The following PRICKLE2 variants were observed in gnomAD, a reference collection of about 807,000 sequenced individuals.
The protein encoded by PRICKLE2 is prickle planar cell polarity protein 2, also known as prickle-like protein 2.
In PRICKLE2, 21 loss-of-function variants were observed where a neutral mutation model predicts 81.4. The ratio of observed to expected loss-of-function variants is 0.26; its 90% CI spans 0.18 to 0.37. PRICKLE2 has a LOEUF of 0.37. PRICKLE2 is among the 10% of genes least tolerant of loss of function. The pLI is 1.00. For missense variants in PRICKLE2, 940 were observed against 1,109.0 expected, an observed-to-expected ratio of 0.85 and a Z score of 2.16; for synonymous variants, 456 against 421.5, an observed-to-expected ratio of 1.08 and a Z score of -1.00.
chr3:64,262,070 T>G (rs944059538), intron 2 of PRICKLE2, among the ~76,000 whole-genome samples: 3 of 152,122 alleles, frequency 2.0e-5, no homozygotes, highest in African/African-American at 7.2e-5. Context: ...AGACCTTATA[T>G]GTAGAGTCTC....
intron 6 of PRICKLE2, among the ~76,000 whole-genome samples, chr3:64,152,816 G>C (rs1361378488): frequency 6.6e-6 from 1 of 152,134 alleles, no homozygotes; most frequent in African/African-American, 2.4e-5. Context: ...TGGAAGAACT[G>C]ACCTGAAAAC....
chr3:64,231,856 G>C (rs1369195757), intron 2 of PRICKLE2, among the ~76,000 whole-genome samples: 1 of 152,084 alleles, frequency 6.6e-6, no homozygotes, highest in African/African-American at 2.4e-5. Flanking sequence ...ATGATGCAAG[G>C]GTCCACAGCT....
chr3:64,144,022 C>A (rs1161921573), intron 7 of PRICKLE2, among the ~76,000 whole-genome samples: 1 of 150,552 alleles, frequency 6.6e-6, no homozygotes, highest in East Asian at 2.0e-4. Context: ...CAAATGGGAA[C>A]ACAGATGTGG....
intron 1 of PRICKLE2, among the ~76,000 whole-genome samples, chr3:64,210,865 T>G (rs1337768320): frequency 6.6e-6 from 1 of 152,146 alleles, no homozygotes; most frequent in African/African-American, 2.4e-5. Flanking sequence ...TTCCCCAGAA[T>G]CAGACTCTTG....
chr3:64,146,817 G>A lies in PRICKLE2; in HGVS notation c.1660+13C>T. On this transcript the variant is annotated intron_variant, in intron 7 of 7. Coordinates refer to ENST00000638394, the MANE Select transcript of PRICKLE2 (RefSeq NM_198859.4). ...CCCCCTTTCTATCTGTTTTCAAGGT[G>A]AACAGAACCTACCTGTTGCATTAGA... 5 of 1,613,800 alleles carry A rather than the reference G, an allele frequency of 3.1e-6. No homozygotes were observed. Among genetic ancestry groups the A allele is most frequent in the Non-Finnish European group, 4.2e-6 (5 of 1,179,910 alleles).
At chr3:64,109,437 G>A (rs1029610975) in intron 7 of PRICKLE2, among the ~76,000 whole-genome samples, 11 of 152,284 alleles carry the variant, frequency 7.2e-5, no homozygotes, top group Admixed American at 2.6e-4. Context: ...GGTCTCAGGT[G>A]ATCAGCAGAT....
At chr3:64,242,526 G>A (rs2079281927) in intron 2 of PRICKLE2, among the ~76,000 whole-genome samples, 1 of 152,212 alleles carries the variant, frequency 6.6e-6, no homozygotes, top group African/African-American at 2.4e-5. Context: ...TGTTTGACTG[G>A]TTACACAAGT....
Position 64,099,074 on chromosome 3 carries a change from T to C in PRICKLE2, c.2512A>G (p.Ser838Gly). The change falls in exon 8 of 8, where the codon AGC (serine) becomes GGC (glycine). Residue 838 changes from serine to glycine, a missense_variant. Ser to Gly is a moderately conservative substitution (Grantham distance 56). Around this residue, in one of 2 missense-constraint regions of PRICKLE2, gnomAD observed 670 missense variants for 717.2 expected, o/e 0.93. Transcript: ENST00000638394. This position sits in a 1 kb window ranked among gnomAD's most constrained non-coding sequence, Gnocchi z 4.3. ...TATTAAGAAATGATACAGTTTTTGC[T>C]CTTCTGTCTTTTCCTGCTGTGCAAC... ...GQLHSRKRQKSKNCIIS is the reference protein window; with the variant it reads ...GQLHSRKRQKGKNCIIS The C allele has an allele frequency of 6.2e-7, 1 of 1,614,234 alleles. No individual in the cohort carries two copies. Among genetic ancestry groups the C allele is most frequent in the East Asian group, 2.2e-5 (1 of 44,880 alleles).
chr3:64,103,876 A>C (rs1250699474), intron 7 of PRICKLE2, among the ~76,000 whole-genome samples: 2 of 152,108 alleles, frequency 1.3e-5, no homozygotes, highest in Non-Finnish European at 2.9e-5. Flanking sequence ...GCTACTTGGG[A>C]GACTGAGGTG....
chr3:64,144,813 T>C (rs1222912017), intron 7 of PRICKLE2, among the ~76,000 whole-genome samples: 1 of 152,232 alleles, frequency 6.6e-6, no homozygotes, highest in African/African-American at 2.4e-5. Flanking sequence ...CTGATGGGTC[T>C]ATAACCTGAT....
chr3:64,163,415 G>A (rs2077766705), intron 2 of PRICKLE2: 1 of 473,816 alleles, frequency 2.1e-6, no homozygotes, highest in South Asian at 2.1e-5. Flanking sequence ...ACATGCTGGT[G>A]AACCAGAGGG....
chr3:64,230,543 A>G (rs898572369), intron 2 of PRICKLE2, among the ~76,000 whole-genome samples: 1 of 152,246 alleles, frequency 6.6e-6, no homozygotes, highest in Non-Finnish European at 1.5e-5. Context: ...AGCTGCATTC[A>G]TAAAAAAGAA....
intron 1 of PRICKLE2, among the ~76,000 whole-genome samples, chr3:64,214,872 G>A (rs1028878108): frequency 3.9e-5 from 6 of 152,054 alleles, no homozygotes; most frequent in South Asian, 2.1e-4. Flanking sequence ...AGGAGGAGCC[G>A]GGACCGTGGA....
chr3:64,236,455 T>C (rs2107166176), intron 2 of PRICKLE2, among the ~76,000 whole-genome samples: 1 of 152,236 alleles, frequency 6.6e-6, no homozygotes, highest in South Asian at 2.1e-4. Flanking sequence ...AATCACAGCC[T>C]AGGGACACTG....
intron 7 of PRICKLE2, among the ~76,000 whole-genome samples, chr3:64,123,525 G>A (rs62249909): frequency 4.9e-4 from 75 of 152,322 alleles, no homozygotes; most frequent in African/African-American, 1.8e-3. Context: ...CAGATACTGT[G>A]ATGCTTACGA....
intron 2 of PRICKLE2, among the ~76,000 whole-genome samples, chr3:64,196,269 A>C (rs1222743311): frequency 6.6e-6 from 1 of 152,242 alleles, no homozygotes; most frequent in Non-Finnish European, 1.5e-5. Flanking sequence ...AACTGACAAA[A>C]GCTTAACTTT....
chr3:64,244,757 C>A (rs3911778), intron 2 of PRICKLE2, among the ~76,000 whole-genome samples: 43,621 of 151,920 alleles, frequency 0.29, 7,095 homozygotes, highest in Admixed American at 0.41. Context: ...TGGTCACCAA[C>A]ATATAGCAGA....
At chr3:64,107,220 T>C (rs1396119124) in intron 7 of PRICKLE2, among the ~76,000 whole-genome samples, 1 of 152,116 alleles carries the variant, frequency 6.6e-6, no homozygotes, top group Non-Finnish European at 1.5e-5. Flanking sequence ...AGCATGAAGG[T>C]GCATTTGGGG....
At chr3:64,110,493 C>A (rs2076825629) in intron 7 of PRICKLE2, among the ~76,000 whole-genome samples, 1 of 152,102 alleles carries the variant, frequency 6.6e-6, no homozygotes, top group African/African-American at 2.4e-5. Context: ...ACCAAGTCAG[C>A]ATAGCAAGGT....
Sources: allele counts gnomAD v4.1 joint callset (sites outside exome capture counted in the v4.1 genomes callset), GRCh38; gene constraint gnomAD v4.1.1; regional missense constraint gnomAD v4.1.1; non-coding constraint Gnocchi (gnomAD v3.1); transcripts MANE v1.5; gene names NCBI Gene and HGNC (gene_info 2026-07-23, HGNC 2026-07-21).